RBFOX1: variants seen among roughly 807,000 people sequenced by gnomAD.
RBFOX1 encodes the protein RNA binding protein fox-1 homolog 1.
RBFOX1 carries 8 observed loss-of-function variants against 57.7 expected under a neutral mutation model. The ratio of observed to expected loss-of-function variants is 0.14; its 90% CI spans 0.08 to 0.25. RBFOX1 has a LOEUF of 0.25. RBFOX1 is among the 10% of genes least tolerant of loss of function. The probability of loss-of-function intolerance (pLI) is 1.00; values close to 1 mark genes in which losing one functional copy is unlikely to be tolerated. For synonymous variants in RBFOX1, 326 were observed against 222.4 expected (o/e 1.47, Z -4.15); for missense variants, 611 against 548.5 (o/e 1.11, Z -1.14).
At chr16:5,929,789 T>A (rs747748269) in intron 4 of RBFOX1, among the ~76,000 whole-genome samples, 9 of 151,748 alleles carry the variant, frequency 5.9e-5, no homozygotes, top group Non-Finnish European at 1.2e-4. Flanking sequence ...CACGCTGGGA[T>A]GGGATGTGAA....
intron 1 of RBFOX1, among the ~76,000 whole-genome samples, chr16:6,148,624 C>T (rs555419536): frequency 7.2e-5 from 11 of 152,144 alleles, no homozygotes; most frequent in Admixed American, 4.6e-4. Context: ...GCTACCTCAC[C>T]GAGTGACTGT....
At position 6,639,052 on chromosome 16, in the gene RBFOX1, C is replaced by T. The variant is rs559955376; in HGVS notation, c.-63-15551C>T. On this transcript the variant is annotated intron_variant, in intron 2 of 15. Transcript: ENST00000550418. ...GAGACCTGTGGCCCCACCCAGCCAC[C>T]TACAAAGCTTAGCCATCGTTTCACT... Among the ~76,000 whole-genome samples the T allele has an allele frequency of 6.6e-5, 10 of 152,312 alleles. No homozygotes were observed. In the East Asian group the frequency reaches 1.9e-3, roughly 29 times the overall value.
intron 1 of RBFOX1, among the ~76,000 whole-genome samples, chr16:6,217,591 T>C (rs1186076943): frequency 6.6e-6 from 1 of 152,192 alleles, no homozygotes; most frequent in African/African-American, 2.4e-5. Flanking sequence ...GGCCCCTGGG[T>C]GTACCCACAT....
chr16:5,673,414 G>T (rs2050074475), intron 3 of RBFOX1, among the ~76,000 whole-genome samples: 1 of 151,670 alleles, frequency 6.6e-6, no homozygotes, highest in Non-Finnish European at 1.5e-5. Flanking sequence ...CCATCCTGAA[G>T]GCTCTGTCCA....
At chr16:7,506,953 A>T (rs1029322829) in intron 4 of RBFOX1, among the ~76,000 whole-genome samples, 2 of 152,210 alleles carry the variant, frequency 1.3e-5, no homozygotes, top group African/African-American at 4.8e-5. Flanking sequence ...ATATGTGCAT[A>T]CAGGACTTTC....
chr16:7,590,503 G>A (rs763413187), intron 7 of RBFOX1, among the ~76,000 whole-genome samples: 9 of 151,958 alleles, frequency 5.9e-5, no homozygotes, highest in African/African-American at 1.7e-4. Context: ...CAACCATCTC[G>A]TTTACCTCTG....
chr16:7,082,899 C>G (rs895304461), intron 4 of RBFOX1, among the ~76,000 whole-genome samples: 13 of 152,100 alleles, frequency 8.5e-5, no homozygotes, highest in African/African-American at 2.7e-4. Flanking sequence ...AAAATAATTT[C>G]TCTTGAAGCT....
chr16:5,400,059 T>G (rs1249979097), intron 1 of RBFOX1, among the ~76,000 whole-genome samples: 1 of 151,990 alleles, frequency 6.6e-6, no homozygotes, highest in Non-Finnish European at 1.5e-5. Context: ...ATCATTCCAT[T>G]GCTTGCTTTT....
chr16:5,780,780 G>A (rs778460397), intron 3 of RBFOX1, among the ~76,000 whole-genome samples: 5 of 152,172 alleles, frequency 3.3e-5, no homozygotes, highest in African/African-American at 7.2e-5. Context: ...AGCATGGGAC[G>A]CCTGGTTTAA....
chr16:7,201,434 G>C (rs965417242), intron 4 of RBFOX1, among the ~76,000 whole-genome samples: 4 of 151,332 alleles, frequency 2.6e-5, no homozygotes, highest in Admixed American at 6.6e-5. Context: ...CTAGGCAAGA[G>C]AATGCCACGA....
At chr16:7,353,819 G>A (rs1051691849) in intron 4 of RBFOX1, among the ~76,000 whole-genome samples, 1 of 152,142 alleles carries the variant, frequency 6.6e-6, no homozygotes, top group East Asian at 1.9e-4. Flanking sequence ...AGTATGGGAA[G>A]CGATCCTTTT....
At chr16:7,093,194 G>A (rs111885248) in intron 4 of RBFOX1, among the ~76,000 whole-genome samples, 78 of 152,250 alleles carry the variant, frequency 5.1e-4, no homozygotes, top group African/African-American at 1.7e-3. Flanking sequence ...CACCCATACT[G>A]GTCACCGTGT....
chr16:5,383,417 A>G (rs1177516389), intron 1 of RBFOX1, among the ~76,000 whole-genome samples: 1 of 152,250 alleles, frequency 6.6e-6, no homozygotes, highest in Non-Finnish European at 1.5e-5. Flanking sequence ...GCAGGATGGC[A>G]GCACAGGCAC....
chr16:7,586,504 A>G (rs978341643), intron 6 of RBFOX1, among the ~76,000 whole-genome samples: 5 of 152,242 alleles, frequency 3.3e-5, no homozygotes, highest in African/African-American at 1.2e-4. Context: ...ATTAAGTATA[A>G]GTATGTCCCA....
chr16:5,978,128 C>CA (rs140908065), intron 4 of RBFOX1, among the ~76,000 whole-genome samples: 554 of 31,514 alleles, frequency 0.018, 127 homozygotes, highest in East Asian at 0.057. Flanking sequence ...CTGTCTCTTC[C>CA]AAAAAAAAAA....
intron 3 of RBFOX1, among the ~76,000 whole-genome samples, chr16:6,719,051 C>G (rs1049310624): frequency 6.6e-6 from 1 of 151,932 alleles, no homozygotes; most frequent in African/African-American, 2.4e-5. Context: ...ATTTTTTGTA[C>G]AGATGAGACT....
Position 5,686,851 on chromosome 16 carries a change from A to T in RBFOX1, c.318+87890A>T, listed in dbSNP as rs78992658. ...CAGAAGTCATAAATTGTTGACTTTC[A>T]TCTGGGGCTGAGAATAACTACTGTT... On this transcript the variant is annotated intron_variant, in intron 3 of 19. Transcript: ENST00000641259. Among the ~76,000 whole-genome samples, 916 of 152,308 alleles carry T rather than the reference A, an allele frequency of 6.0e-3. 3 individuals are homozygous for T. Among genetic ancestry groups the T allele is most frequent in the Non-Finnish European group, 9.4e-3 (638 of 68,018 alleles).
intron 1 of RBFOX1, chr16:5,260,656 A>G (rs2062710799): frequency 1.3e-5 from 2 of 152,246 alleles, no homozygotes; most frequent in African/African-American, 2.4e-5. Flanking sequence ...GTCACTGCAA[A>G]TAAAGTCATT....
At chr16:6,800,936 C>G (rs1443258844) in intron 3 of RBFOX1, among the ~76,000 whole-genome samples, 2 of 152,074 alleles carry the variant, frequency 1.3e-5, no homozygotes, top group Non-Finnish European at 1.5e-5. Flanking sequence ...CGTCTTGCCC[C>G]TGTTTGAGTA....
Sources: allele counts gnomAD v4.1 joint callset (sites outside exome capture counted in the v4.1 genomes callset), GRCh38; gene constraint gnomAD v4.1.1; transcripts MANE v1.5; gene names NCBI Gene and HGNC (gene_info 2026-07-23, HGNC 2026-07-21).